The following RBMS3 variants were observed in gnomAD, a reference collection of about 807,000 sequenced individuals.
The protein encoded by RBMS3 is RNA binding motif single stranded interacting protein 3.
RBMS3 carries 27 observed loss-of-function variants against 66.8 expected under a neutral mutation model. That is an observed-to-expected ratio of 0.40 (90% CI 0.30 to 0.56). RBMS3 has a LOEUF of 0.56. RBMS3 is among the 20% of genes least tolerant of loss of function. The pLI is 0.40. For missense variants in RBMS3, 513 were observed against 549.5 expected, an observed-to-expected ratio of 0.93 and a Z score of 0.66; for synonymous variants, 188 against 183.0, an observed-to-expected ratio of 1.03 and a Z score of -0.22.
intron 3 of RBMS3, among the ~76,000 whole-genome samples, chr3:29,532,260 A>ATATATATATATATATATATATATATT (rs2045388709): frequency 2.0e-5 from 1 of 50,274 alleles, no homozygotes; most frequent in Non-Finnish European, 3.7e-5. Context: ...ATATATATAT[A>ATATATATATATATATATATATATATT]TGTATATATA....
At position 29,391,123 on chromosome 3, in the gene RBMS3, A is replaced by C. The variant is rs183427087; in HGVS notation, c.76-43620A>C. 5.1e-3 allele frequency: 1,032 copies of C among 200,486 alleles called. 5 individuals carry two copies. Among genetic ancestry groups the C allele is most frequent in the Non-Finnish European group, 8.6e-3 (730 of 85,064 alleles). 12.4% of individuals were successfully genotyped at this position (200,486 alleles called of 1,614,324 possible). ...AGGAATCGATAGTGGCAGAAACCCC[A>C]AAAAAATGGTTAGTTGCAGTTGTGT... On this transcript the variant is annotated intron_variant, in intron 1 of 14. Coordinates refer to ENST00000383767, the MANE Select transcript of RBMS3 (RefSeq NM_001003793.3).
intron 4 of RBMS3, among the ~76,000 whole-genome samples, chr3:29,680,182 C>T (rs763613012): frequency 2.6e-5 from 4 of 152,102 alleles, no homozygotes; most frequent in Non-Finnish European, 4.4e-5. Flanking sequence ...CACGGTTTGC[C>T]AAGTCAGCAT....
At chr3:29,729,143 C>T (rs2054015278) in intron 4 of RBMS3, among the ~76,000 whole-genome samples, 1 of 147,928 alleles carries the variant, frequency 6.8e-6, no homozygotes, top group African/African-American at 2.5e-5. Context: ...ACCGCCCCAC[C>T]CCCCAACCCC....
intron 4 of RBMS3, among the ~76,000 whole-genome samples, chr3:29,706,285 T>C (rs1042336656): frequency 4.6e-5 from 7 of 152,218 alleles, no homozygotes; most frequent in African/African-American, 1.7e-4. Flanking sequence ...TGTAATTTCT[T>C]GCATTGATAC....
rs10576635 is a variant in RBMS3, at chr3:29,804,920, C to CGTGTGTGTGTGT, written c.637+41957_637+41968dup. Reference sequence around the variant, plus strand: ...TTTCTGGGCAAAGAATCTGCGTGTACGTGTGTGTGTGTGTGTGTGTGTGTG... The same window carrying CGTGTGTGTGTGT: ...TTTCTGGGCAAAGAATCTGCGTGTACGTGTGTGTGTGTGTGTGTGTGTGTGTGTGTGTGTGTG... On this transcript the variant is annotated intron_variant, in intron 6 of 14. Transcript: ENST00000383767. Among the ~76,000 whole-genome samples, 184 of 146,438 alleles carry CGTGTGTGTGTGT rather than the reference C, an allele frequency of 1.3e-3. 1 individual carries two copies. The highest frequency in any genetic ancestry group is 4.4e-3 in the African/African-American group (173 of 39,736).
intron 1 of RBMS3, among the ~76,000 whole-genome samples, chr3:29,348,032 A>G (rs528078674): frequency 7.2e-5 from 11 of 152,260 alleles, no homozygotes; most frequent in African/African-American, 2.6e-4. Flanking sequence ...CTCTTTATCA[A>G]TAAAGTTGGA....
At chr3:29,757,368 T>C (rs781106937) in intron 5 of RBMS3, among the ~76,000 whole-genome samples, 3 of 152,242 alleles carry the variant, frequency 2.0e-5, no homozygotes, top group Non-Finnish European at 4.4e-5. Flanking sequence ...TCAATTTTCA[T>C]GTGAAATCTC....
chr3:29,445,129 A>G (rs916227643), intron 2 of RBMS3, among the ~76,000 whole-genome samples: 1 of 151,894 alleles, frequency 6.6e-6, no homozygotes, highest in African/African-American at 2.4e-5. Flanking sequence ...TGAAGCCCAA[A>G]TTCATCAGTA....
At chr3:29,886,610 G>T (rs2059877052) in intron 8 of RBMS3, among the ~76,000 whole-genome samples, 1 of 151,792 alleles carries the variant, frequency 6.6e-6, no homozygotes, top group African/African-American at 2.4e-5. Flanking sequence ...AAAGTTTCTT[G>T]TGAAGGAATT....
chr3:29,828,976 G>GACTT lies in RBMS3; in HGVS notation c.638-39881_638-39878dup, dbSNP rs1471732853. Among the ~76,000 whole-genome samples, 31 of 146,060 alleles carry GACTT rather than the reference G, an allele frequency of 2.1e-4. 1 individual carries two copies. The highest frequency in any genetic ancestry group is 1.5e-3 in the East Asian group (7 of 4,786). ...GGCATCCAGCCTGCTGTTAGCGAGTGACTTTCTTTCTTTCTTTCTTTCTTT... is the reference window on the plus strand; with the variant it reads ...GGCATCCAGCCTGCTGTTAGCGAGTGACTTACTTTCTTTCTTTCTTTCTTTCTTT... On this transcript the variant is annotated intron_variant, in intron 6 of 14. Transcript: ENST00000383767.
At chr3:29,893,086 G>C (rs2060042888) in intron 8 of RBMS3, among the ~76,000 whole-genome samples, 3 of 151,192 alleles carry the variant, frequency 2.0e-5, no homozygotes, top group African/African-American at 7.3e-5. Context: ...GTGTATGTTT[G>C]GACTTGAGAA....
rs146047072 is a variant in RBMS3, at chr3:29,415,003, AG to A, written c.76-19738del. Among the ~76,000 whole-genome samples, 5 of 152,348 alleles carry A rather than the reference AG, an allele frequency of 3.3e-5. No individual in the cohort carries two copies. In the East Asian group the frequency reaches 9.6e-4, roughly 29 times the overall value. ...TTTTCTCCCATAATAGAATAAAATGAGGATATGGCTGATAAATGCTGAGAAG... is the reference window on the plus strand; with the variant it reads ...TTTTCTCCCATAATAGAATAAAATGAGATATGGCTGATAAATGCTGAGAAG... On this transcript the variant is annotated intron_variant, in intron 1 of 14. Transcript: ENST00000383767.
At chr3:29,293,936 G>A (rs1300948558) in intron 1 of RBMS3, among the ~76,000 whole-genome samples, 2 of 150,688 alleles carry the variant, frequency 1.3e-5, no homozygotes, top group Non-Finnish European at 3.0e-5. Flanking sequence ...ACAAGGTACA[G>A]TGGGATTGGG....
At position 29,763,003 on chromosome 3, in the gene RBMS3, T is replaced by G; in HGVS notation, c.637+14T>G. ...CAGGCATCCCAGGTAAGAAATTCAC[T>G]AATAAGTGACTGAATGATGCCGAGG... On this transcript the variant is annotated intron_variant, in intron 6 of 14. Transcript: ENST00000383767. The G allele has an allele frequency of 6.5e-7, 1 of 1,546,244 alleles. No homozygotes were observed. The highest frequency in any genetic ancestry group is 8.9e-7 in the Non-Finnish European group (1 of 1,123,318).
intron 1 of RBMS3, among the ~76,000 whole-genome samples, chr3:29,315,523 A>G (rs768360077): frequency 6.6e-6 from 1 of 151,718 alleles, no homozygotes; most frequent in African/African-American, 2.4e-5. Flanking sequence ...TTCCAAGAAA[A>G]CTGTAAGGCT....
chr3:29,760,935 C>CT lies in RBMS3; in HGVS notation c.558-1966dup, dbSNP rs199609500. ...ACATCAAATTGATTCATTCTGAAGACTTTTTTTTTCAAAATAATACTTATG... is the reference window on the plus strand; with the variant it reads ...ACATCAAATTGATTCATTCTGAAGACTTTTTTTTTTCAAAATAATACTTATG... On this transcript the variant is annotated intron_variant, in intron 5 of 14. Coordinates refer to ENST00000383767, the MANE Select transcript of RBMS3 (RefSeq NM_001003793.3). Among the ~76,000 whole-genome samples, 394 of 151,272 alleles carry CT rather than the reference C, an allele frequency of 2.6e-3. 2 individuals carry two copies. Among genetic ancestry groups the CT allele is most frequent in the Middle Eastern group, 0.014 (4 of 292 alleles).
At chr3:29,849,169 AAT>A (rs1491105119) in intron 6 of RBMS3, among the ~76,000 whole-genome samples, 9 of 103,760 alleles carry the variant, frequency 8.7e-5, no homozygotes, top group African/African-American at 1.2e-4. Flanking sequence ...CCACCAAAGG[AAT>A]GTGTGTGTGT....
intron 4 of RBMS3, among the ~76,000 whole-genome samples, chr3:29,716,033 G>C (rs1041573756): frequency 1.3e-5 from 2 of 152,096 alleles, no homozygotes; most frequent in Non-Finnish European, 2.9e-5. Flanking sequence ...TGATGGCATA[G>C]ATGGCTGTTG....
chr3:29,445,507 A>G (rs1470591340), intron 2 of RBMS3, among the ~76,000 whole-genome samples: 1 of 151,826 alleles, frequency 6.6e-6, no homozygotes, highest in Non-Finnish European at 1.5e-5. Context: ...TCTATGTCTA[A>G]TTTAAGTAAG....
Sources: allele counts gnomAD v4.1 joint callset (sites outside exome capture counted in the v4.1 genomes callset), GRCh38; gene constraint gnomAD v4.1.1; transcripts MANE v1.5; gene names NCBI Gene and HGNC (gene_info 2026-07-23, HGNC 2026-07-21).